The following GC variants were observed in gnomAD, a reference collection of about 807,000 sequenced individuals.
GC encodes the protein vitamin D-binding protein.
In GC, 43 loss-of-function variants were observed where a neutral mutation model predicts 56.7. The ratio of observed to expected loss-of-function variants is 0.76; its 90% CI spans 0.59 to 0.98. GC has a LOEUF of 0.98. Ranked by LOEUF, GC falls within the 50% of genes least tolerant of loss-of-function variation. GC has a pLI of 0.00. For missense variants in GC, 529 were observed against 545.9 expected (o/e 0.97, Z 0.31); for synonymous variants, 216 against 202.7 (o/e 1.07, Z -0.56).
intron 1 of GC, among the ~76,000 whole-genome samples, chr4:71,782,870 C>T (rs1465665121): frequency 1.3e-5 from 2 of 151,748 alleles, no homozygotes; most frequent in Non-Finnish European, 2.9e-5. Flanking sequence ...TTATAAGGGA[C>T]ACAATTTATG....
In GC at chr4:71,741,827, TTAGGTCATCAGAGATCATTCCCC is replaced by T. The variant is rs1322692682; in HGVS notation, c.*46_*68del. On this transcript the variant is annotated 3_prime_UTR_variant, in exon 13 of 13. Transcript: ENST00000273951. ...CAGAAGCTCAGTGGTTTTGCTTAGGTTAGGTCATCAGAGATCATTCCCCTGGGTGGCTCCAACTCTGGTCTATG... is the reference window on the plus strand; with the variant it reads ...CAGAAGCTCAGTGGTTTTGCTTAGGTTGGGTGGCTCCAACTCTGGTCTATG... The T allele has an allele frequency of 1.4e-6, 1 of 702,952 alleles. No homozygotes were observed. The highest frequency in any genetic ancestry group is 2.6e-6 in the Non-Finnish European group (1 of 384,972). The allele number at this position is 702,952 out of a possible 1,614,324, so 43.5% of individuals were successfully genotyped here. A position where few individuals can be genotyped will look rare whatever the true frequency, so the allele number is the denominator to read the frequency against.
intron 6 of GC, 142 bp from the exon 7 acceptor site, chr4:71,758,313 G>A (rs969447990): frequency 3.0e-6 from 2 of 665,694 alleles, no homozygotes; most frequent in East Asian, 2.7e-5. Context: ...TCTGCCATGC[G>A]ATAGATCTTA....
Position 71,763,499 on chromosome 4 carries a change from G to C in GC, c.610C>G (p.Leu204Val), listed in dbSNP as rs1224276633. 1.3e-6 allele frequency: 2 copies of C among 1,578,298 alleles called. No homozygotes were observed. The highest frequency in any genetic ancestry group is 2.7e-5 in the African/African-American group (2 of 74,168). Residue 204 changes from leucine to valine, a missense_variant, in exon 6 of 13, where the codon CTC (leucine) becomes GTC (valine). Coordinates refer to ENST00000273951, the MANE Select transcript of GC (RefSeq NM_000583.4). ...AGAAGTGATAAATGTTTAAGCTGGA[G>C]TCTCTAGAAAACAAGTGAAAGAATC... Reference protein sequence around the residue: ...SPTVCFLKERLQLKHLSLLTT... With the variant: ...SPTVCFLKERVQLKHLSLLTT...
chr4:71,747,677 G>A (rs571159690), intron 11 of GC, among the ~76,000 whole-genome samples: 31 of 152,266 alleles, frequency 2.0e-4, no homozygotes, highest in African/African-American at 7.5e-4. Context: ...TAAGAGGTGT[G>A]AGGAGTTGGA....
intron 4 of GC, among the ~76,000 whole-genome samples, chr4:71,764,297 T>A (rs1742088306): frequency 6.6e-6 from 1 of 152,182 alleles, no homozygotes; most frequent in Non-Finnish European, 1.5e-5. Context: ...AACCTACTTT[T>A]TAGTAAGTAT....
At chr4:71,777,314 A>G (rs1475266862) in intron 1 of GC, among the ~76,000 whole-genome samples, 3 of 151,806 alleles carry the variant, frequency 2.0e-5, no homozygotes, top group African/African-American at 4.8e-5. Context: ...TGTGTTAACC[A>G]TTGTGATATA....
upstream of GC, among the ~76,000 whole-genome samples, chr4:71,787,274 C>T (rs1363060080): frequency 1.3e-5 from 2 of 151,884 alleles, no homozygotes; most frequent in Non-Finnish European, 2.9e-5. Context: ...CTACTTACCT[C>T]TAAAAAGGAT....
Position 71,754,429 on chromosome 4 carries a change from A to G in GC, c.1244T>C (p.Phe415Ser). ...ELCADYSENT[F>S]TEYKKKLAER... ...TTCTTACTTTTTCTTGTACTCAGTA[A>G]ATGTATTTTCTGAATAATCTGCACA... The change falls in exon 10 of 13, where the codon TTT (phenylalanine) becomes TCT (serine). Residue 415 changes from phenylalanine (F) to serine (S), a missense_variant. Physicochemically the swap from Phe to Ser is radical, Grantham distance 155. Coordinates refer to ENST00000273951, the MANE Select transcript of GC (RefSeq NM_000583.4). 1 of 1,544,004 alleles carries G rather than the reference A, an allele frequency of 6.5e-7. No individual in the cohort carries two copies. Among genetic ancestry groups the G allele is most frequent in the Admixed American group, 1.7e-5 (1 of 58,836 alleles).
chr4:71,802,151 G>A (rs1272356926), intron 1 of GC, among the ~76,000 whole-genome samples: 1 of 151,978 alleles, frequency 6.6e-6, no homozygotes, highest in Admixed American at 6.6e-5. Flanking sequence ...TATGTGAATA[G>A]CATCATTAAT....
At chr4:71,793,755 T>A (rs1215365995) in intron 1 of GC, among the ~76,000 whole-genome samples, 1 of 152,104 alleles carries the variant, frequency 6.6e-6, no homozygotes, top group East Asian at 1.9e-4. Context: ...GGAAGGCTTC[T>A]GGTTTTTGCC....
intron 9 of GC, 37 bp downstream of exon 9, chr4:71,754,941 A>T (rs1453468545): frequency 6.8e-7 from 1 of 1,477,274 alleles, no homozygotes; most frequent in South Asian, 1.4e-5. Context: ...CCAACCCTTG[A>T]TCTATGTGCT....
In GC at chr4:71,776,888, C is replaced by T. The variant is rs115366859; in HGVS notation, c.58+7073G>A. On this transcript the variant is annotated intron_variant, in intron 1 of 12. Transcript: ENST00000273951. ...ACTACTGAAGTTATACTGTATAAACCGAAATCAAATTATGCAATCTAATGG... is the reference window on the plus strand; with the variant it reads ...ACTACTGAAGTTATACTGTATAAACTGAAATCAAATTATGCAATCTAATGG... 8.8e-3 allele frequency among the ~76,000 whole-genome samples: 1,338 copies of T among 151,776 alleles called. 14 individuals are homozygous for T. Among genetic ancestry groups the T allele is most frequent in the Non-Finnish European group, 0.013 (894 of 67,820 alleles).
chr4:71,768,160 TA>T, intron 3 of GC, 140 bp downstream of exon 3: 1 of 620,632 alleles, frequency 1.6e-6, no homozygotes, highest in Non-Finnish European at 2.7e-6. Context: ...AACCAGGCTG[TA>T]AACACAACAG....
chr4:71,759,042 C>T (rs779529146), intron 6 of GC, among the ~76,000 whole-genome samples: 2 of 152,136 alleles, frequency 1.3e-5, no homozygotes, highest in Non-Finnish European at 2.9e-5. Flanking sequence ...CAGTATTTGT[C>T]CTTTTCAGAC....
At chr4:71,797,077 C>T (rs1383435155) in intron 1 of GC, among the ~76,000 whole-genome samples, 1 of 152,196 alleles carries the variant, frequency 6.6e-6, no homozygotes, top group African/African-American at 2.4e-5. Context: ...CAGAGGGGCA[C>T]CTGCCTGTAT....
chr4:71,742,024 C>T (rs955598041), intron 12 of GC, among the ~76,000 whole-genome samples, 154 bp from the exon 13 acceptor site: 13 of 152,084 alleles, frequency 8.5e-5, no homozygotes. Context: ...CCACTATGGC[C>T]CATCTCATAG....
intron 1 of GC, among the ~76,000 whole-genome samples, chr4:71,777,129 T>C (rs1033849812): frequency 6.6e-6 from 1 of 151,808 alleles, no homozygotes; most frequent in African/African-American, 2.4e-5. Context: ...AAAAGAGTTT[T>C]ATGGTGCTTG....
At chr4:71,746,964 G>A (rs1741397446) in intron 11 of GC, among the ~76,000 whole-genome samples, 2 of 151,968 alleles carry the variant, frequency 1.3e-5, no homozygotes. Context: ...CCAGGTGAAA[G>A]ATTGCCTGAA....
chr4:71,767,395 T>C (rs1409644945), intron 3 of GC, among the ~76,000 whole-genome samples: 2 of 152,094 alleles, frequency 1.3e-5, no homozygotes, highest in Non-Finnish European at 2.9e-5. Context: ...AGCATTTTAA[T>C]TTTTGCATAA....
Sources: allele counts gnomAD v4.1 joint callset (sites outside exome capture counted in the v4.1 genomes callset), GRCh38; gene constraint gnomAD v4.1.1; transcripts MANE v1.5; gene names NCBI Gene and HGNC (gene_info 2026-07-23, HGNC 2026-07-21).